Variants in SND1 observed in about 807,000 individuals in gnomAD.
SND1 encodes staphylococcal nuclease domain-containing protein 1.
A neutral mutation model predicts 121.7 loss-of-function variants in SND1; 38 were observed. The ratio of observed to expected loss-of-function variants is 0.31; its 90% CI spans 0.24 to 0.41. The LOEUF (loss-of-function observed/expected upper bound fraction) is 0.41, where lower values mean the gene tolerates loss of function less well. Ranked by LOEUF, SND1 falls within the 10% of genes least tolerant of loss-of-function variation. SND1 has a pLI of 1.00. For synonymous variants in SND1, 401 were observed against 447.4 expected (o/e 0.90, Z 1.31); for missense variants, 868 against 1,184.6 (o/e 0.73, Z 3.92).
At chr7:127,961,872 C>T (rs904766519) in intron 15 of SND1, among the ~76,000 whole-genome samples, 9 of 152,200 alleles carry the variant, frequency 5.9e-5, no homozygotes, top group Non-Finnish European at 1.3e-4. Context: ...AGGACACCCT[C>T]CTGCAACAAC....
intron 16 of SND1, among the ~76,000 whole-genome samples, chr7:128,000,706 G>A (rs956832066): frequency 2.0e-5 from 3 of 152,096 alleles, no homozygotes; most frequent in Non-Finnish European, 4.4e-5. Flanking sequence ...GTGTCTTCAG[G>A]CTTCAGGCCT....
intron 10 of SND1, among the ~76,000 whole-genome samples, chr7:127,781,317 G>A (rs1189134902): frequency 6.6e-6 from 1 of 152,166 alleles, no homozygotes; most frequent in East Asian, 1.9e-4. Context: ...CACATGGCTT[G>A]CAAGTGACTT....
chr7:127,841,267 GT>G (rs199750392), intron 11 of SND1, among the ~76,000 whole-genome samples: 3 of 148,100 alleles, frequency 2.0e-5, no homozygotes, highest in African/African-American at 4.9e-5. Flanking sequence ...GATTAACTTA[GT>G]TTTTTTTTTT....
chr7:127,942,946 A>G (rs1490217538), intron 15 of SND1, among the ~76,000 whole-genome samples: 1 of 152,196 alleles, frequency 6.6e-6, no homozygotes, highest in African/African-American at 2.4e-5. Context: ...TACATTAATA[A>G]TATGGGGTAA....
At chr7:127,681,485 T>C (rs192190866) in intron 1 of SND1, among the ~76,000 whole-genome samples, 2 of 152,326 alleles carry the variant, frequency 1.3e-5, no homozygotes, top group Non-Finnish European at 1.5e-5. Context: ...TGTTTTTAAT[T>C]TTTATGAAGT....
intron 1 of SND1, among the ~76,000 whole-genome samples, chr7:127,657,963 T>G (rs1427047620): frequency 2.0e-5 from 3 of 152,162 alleles, no homozygotes; most frequent in African/African-American, 4.8e-5. Context: ...GGTACCCTGG[T>G]GAGATCAACA....
chr7:127,854,391 G>T (rs1799228772), intron 12 of SND1, among the ~76,000 whole-genome samples: 1 of 152,052 alleles, frequency 6.6e-6, no homozygotes, highest in Admixed American at 6.5e-5. Flanking sequence ...GCCTCCCAAA[G>T]TGCTGGGATT....
At chr7:128,065,688 G>C (rs945047396) in intron 16 of SND1, among the ~76,000 whole-genome samples, 6 of 152,246 alleles carry the variant, frequency 3.9e-5, no homozygotes, top group African/African-American at 1.4e-4. Context: ...TTCTTTGGCT[G>C]GGCCTGGGAG....
intron 17 of SND1, among the ~76,000 whole-genome samples, chr7:128,075,972 C>G (rs1222024509): frequency 6.6e-6 from 1 of 152,224 alleles, no homozygotes; most frequent in Non-Finnish European, 1.5e-5. Context: ...GCTGGGGCCT[C>G]CTGTTTAAAG....
intron 11 of SND1, among the ~76,000 whole-genome samples, chr7:127,824,493 A>G (rs932619740): frequency 6.6e-6 from 1 of 152,190 alleles, no homozygotes; most frequent in Non-Finnish European, 1.5e-5. Context: ...TAAGTTGTTT[A>G]TTCTAAGGAC....
chr7:127,948,406 A>G (rs759376801), intron 15 of SND1, among the ~76,000 whole-genome samples: 2 of 152,196 alleles, frequency 1.3e-5, no homozygotes, highest in Non-Finnish European at 2.9e-5. Context: ...TGAGTTTGAA[A>G]TCAAGTCAGC....
At chr7:127,751,546 A>G (rs1563000614) in intron 10 of SND1, among the ~76,000 whole-genome samples, 1 of 152,152 alleles carries the variant, frequency 6.6e-6, no homozygotes, top group Non-Finnish European at 1.5e-5. Flanking sequence ...CAGTTAAAAA[A>G]GGAAGTTGGC....
At chr7:127,884,402 A>C (rs1325091423) in intron 12 of SND1, among the ~76,000 whole-genome samples, 1 of 152,166 alleles carries the variant, frequency 6.6e-6, no homozygotes, top group Non-Finnish European at 1.5e-5. Context: ...CTGACAGCCC[A>C]GCTGCTGTGC....
chr7:127,727,479 G>A (rs951323933), intron 10 of SND1, among the ~76,000 whole-genome samples: 1 of 152,132 alleles, frequency 6.6e-6, no homozygotes, highest in South Asian at 2.1e-4. Context: ...CGACTTTGCC[G>A]ACTCTGAGAC....
intron 15 of SND1, among the ~76,000 whole-genome samples, chr7:127,929,877 C>T (rs896267726): frequency 7.2e-5 from 11 of 152,190 alleles, no homozygotes; most frequent in South Asian, 6.2e-4. Flanking sequence ...CTAAGGTTGA[C>T]GTGCTAAGGC....
At chr7:127,707,185 G>C (rs112454716) in intron 8 of SND1, among the ~76,000 whole-genome samples, 3,593 of 152,266 alleles carry the variant, frequency 0.024, 155 homozygotes, top group African/African-American at 0.082. Flanking sequence ...TTGTAATTCA[G>C]ATAGAAATTG....
intron 10 of SND1, among the ~76,000 whole-genome samples, chr7:127,748,065 T>G (rs1457955457): frequency 6.6e-6 from 1 of 152,238 alleles, no homozygotes; most frequent in Non-Finnish European, 1.5e-5. Context: ...ACTGGCCAAG[T>G]CAGTGTTCAC....
intron 16 of SND1, among the ~76,000 whole-genome samples, chr7:128,068,550 TG>T (rs1375381693): frequency 2.6e-5 from 4 of 152,148 alleles, no homozygotes; most frequent in Admixed American, 6.5e-5. Context: ...AGGAACAGTT[TG>T]GGGTGGGGAC....
chr7:127,703,211 C>A lies in SND1; in HGVS notation c.728C>A (p.Pro243His). 2 of 1,614,128 alleles carry A rather than the reference C, an allele frequency of 1.2e-6. No individual in the cohort carries two copies. The highest frequency in any genetic ancestry group is 2.2e-5 in the South Asian group (2 of 91,082). The change falls in exon 7 of 24, where the codon CCT (proline) becomes CAT (histidine). Residue 243 changes from proline to histidine, a missense_variant. Transcript: ENST00000354725. Reference sequence around the variant, plus strand: ...GCAGATGGCAGTGAAACTCCAGAGCCTTTTGCTGCAGAAGCCAAATTTTTC... The same window carrying A: ...GCAGATGGCAGTGAAACTCCAGAGCATTTTGCTGCAGAAGCCAAATTTTTC... ...READGSETPE[P>H]FAAEAKFFTE...
Sources: gnomAD v4.1 joint callset for allele counts (sites outside exome capture counted in the v4.1 genomes callset) on GRCh38, gnomAD v4.1.1 for gene constraint, MANE v1.5 for transcripts, NCBI Gene and HGNC (gene_info 2026-07-23, HGNC 2026-07-21) for gene names.